FOXP2: variants seen among roughly 807,000 people sequenced by gnomAD.
FOXP2 encodes the protein forkhead box protein P2.
A neutral mutation model predicts 115.8 loss-of-function variants in FOXP2; 12 were observed. That is an observed-to-expected ratio of 0.10 (90% CI 0.07 to 0.17). The LOEUF is 0.17. FOXP2 is among the 10% of genes least tolerant of loss of function. FOXP2 has a pLI of 1.00. For missense variants in FOXP2, 629 were observed against 843.5 expected, an observed-to-expected ratio of 0.75 and a Z score of 3.15; for synonymous variants, 328 against 297.7, an observed-to-expected ratio of 1.10 and a Z score of -1.05.
intron 1 of FOXP2, among the ~76,000 whole-genome samples, chr7:114,260,710 C>A (rs77371946): frequency 0.015 from 2,246 of 152,182 alleles, 27 homozygotes; most frequent in African/African-American, 0.025. Flanking sequence ...CACAAACACA[C>A]ACACACCTTT....
chr7:114,108,433 A>C (rs946924567), intron 1 of FOXP2, among the ~76,000 whole-genome samples: 3 of 151,820 alleles, frequency 2.0e-5, no homozygotes, highest in Non-Finnish European at 2.9e-5. Flanking sequence ...TTGTTAATAC[A>C]TTTTTTGGTA....
In FOXP2 at chr7:114,088,598, A is replaced by G. The variant is rs562840810; in HGVS notation, c.-247+760A>G. ...GTTTGTTTAGTCAGCAGCAGAGGCA[A>G]GAGAGATGTGTTTAATAGCAAGTCT... On this transcript the variant is annotated intron_variant, in intron 1 of 19. Coordinates refer to the FOXP2 transcript ENST00000635638. Among the ~76,000 whole-genome samples, 50 of 152,376 alleles carry G rather than the reference A, an allele frequency of 3.3e-4. 1 individual carries two copies. The South Asian group carries it at 8.7e-3, about 26-fold the overall frequency.
At chr7:114,421,952 G>T (rs1793641081) in intron 1 of FOXP2, among the ~76,000 whole-genome samples, 1 of 151,690 alleles carries the variant, frequency 6.6e-6, no homozygotes, top group Non-Finnish European at 1.5e-5. Context: ...TTCAAAATTA[G>T]AACTTAACTA....
intron 2 of FOXP2, among the ~76,000 whole-genome samples, chr7:114,526,113 A>G (rs545396445): frequency 6.6e-6 from 1 of 150,770 alleles, no homozygotes. Flanking sequence ...ATTTCGTCTC[A>G]AAAACAAACA....
chr7:114,354,010 TGGA>T (rs1791557351), intron 2 of FOXP2, among the ~76,000 whole-genome samples: 1 of 152,174 alleles, frequency 6.6e-6, no homozygotes, highest in African/African-American at 2.4e-5. Context: ...AGGGTGTTTC[TGGA>T]GAAGGTTAGC....
At chr7:114,324,185 A>G (rs985996780) in intron 2 of FOXP2, among the ~76,000 whole-genome samples, 6 of 151,898 alleles carry the variant, frequency 4.0e-5, no homozygotes, top group African/African-American at 1.4e-4. Flanking sequence ...TTTATTTTAA[A>G]AAAATATTTC....
chr7:114,119,447 A>G (rs1482692890), intron 1 of FOXP2, among the ~76,000 whole-genome samples: 3 of 151,308 alleles, frequency 2.0e-5, no homozygotes, highest in African/African-American at 4.9e-5. Context: ...TGTAGTTACA[A>G]TTCATATTTG....
intron 1 of FOXP2, among the ~76,000 whole-genome samples, chr7:114,218,389 C>A (rs1794536003): frequency 6.6e-6 from 1 of 152,092 alleles, no homozygotes; most frequent in African/African-American, 2.4e-5. Context: ...AAAAATTATT[C>A]TTTGCACTAC....
intron 1 of FOXP2, among the ~76,000 whole-genome samples, chr7:114,251,879 G>C (rs1414819713): frequency 1.3e-5 from 2 of 152,188 alleles, no homozygotes; most frequent in East Asian, 3.8e-4. Flanking sequence ...AGTTTTCAAA[G>C]GGAATGCTTC....
intron 2 of FOXP2, among the ~76,000 whole-genome samples, chr7:114,435,244 A>G (rs1794287806): frequency 6.6e-6 from 1 of 152,162 alleles, no homozygotes; most frequent in Admixed American, 6.6e-5. Context: ...GAGGCCTTGA[A>G]GAGGAGGGAC....
chr7:114,463,214 T>G (rs751759060), intron 2 of FOXP2: 1 of 230,558 alleles, frequency 4.3e-6, no homozygotes, highest in African/African-American at 2.3e-5. Context: ...TATTTATATA[T>G]CCACCTGTTA....
chr7:114,090,986 A>G (rs1481310104), intron 1 of FOXP2, among the ~76,000 whole-genome samples: 1 of 151,706 alleles, frequency 6.6e-6, no homozygotes, highest in African/African-American at 2.4e-5. Flanking sequence ...TTTTTAGCCC[A>G]GCTTTGGTTA....
At chr7:114,496,143 A>G (rs1254297475) in intron 2 of FOXP2, among the ~76,000 whole-genome samples, 1 of 152,178 alleles carries the variant, frequency 6.6e-6, no homozygotes, top group Non-Finnish European at 1.5e-5. Context: ...AAAATCTATA[A>G]TAATCCTAGT....
rs1363720209 is a variant in FOXP2, at chr7:114,607,410, G to T, written c.259-21130G>T. ...AGAAAATTGCTTGACATATTCAATA[G>T]GATTCAAGAAAACACAAGATTTGTA... On this transcript the variant is annotated intron_variant, in intron 3 of 16. Coordinates refer to ENST00000350908, the MANE Select transcript of FOXP2 (RefSeq NM_014491.4). 2.0e-5 allele frequency among the ~76,000 whole-genome samples: 3 copies of T among 152,040 alleles called. No homozygotes were observed. The East Asian group carries it at 5.8e-4, about 29-fold the overall frequency.
At chr7:114,470,333 CCTAT>C (rs1278498235) in intron 2 of FOXP2, among the ~76,000 whole-genome samples, 2 of 152,086 alleles carry the variant, frequency 1.3e-5, no homozygotes, top group Non-Finnish European at 1.5e-5. Context: ...CATGCTAGTT[CCTAT>C]CTATCTTCCA....
chr7:114,680,503 A>G (rs527596246), intron 16 of FOXP2, among the ~76,000 whole-genome samples: 5 of 152,364 alleles, frequency 3.3e-5, no homozygotes, highest in East Asian at 3.9e-4. Flanking sequence ...GTGACCTTCT[A>G]TGGCAAAGGT....
At chr7:114,288,973 C>T (rs545065607) in intron 2 of FOXP2, among the ~76,000 whole-genome samples, 373 of 151,934 alleles carry the variant, frequency 2.5e-3, no homozygotes, top group Non-Finnish European at 4.3e-3. Flanking sequence ...TCACCATGAG[C>T]ATAGTATAGG....
At chr7:114,405,765 A>C (rs1793021390) in intron 2 of FOXP2, among the ~76,000 whole-genome samples, 3 of 151,908 alleles carry the variant, frequency 2.0e-5, no homozygotes, top group Non-Finnish European at 4.4e-5. Context: ...ATTTAATAGA[A>C]AATTCACTAT....
intron 1 of FOXP2, among the ~76,000 whole-genome samples, chr7:114,130,589 A>G (rs1791846344): frequency 6.6e-6 from 1 of 152,238 alleles, no homozygotes; most frequent in African/African-American, 2.4e-5. Context: ...TGATATGAAA[A>G]TGTAACTTAG....
Sources: allele counts gnomAD v4.1 joint callset (sites outside exome capture counted in the v4.1 genomes callset), GRCh38; gene constraint gnomAD v4.1.1; transcripts MANE v1.5; gene names NCBI Gene and HGNC (gene_info 2026-07-23, HGNC 2026-07-21).